LARGE1: variants seen among roughly 807,000 people sequenced by gnomAD.
LARGE1 encodes the protein LARGE xylosyl- and glucuronyltransferase 1, also known as xylosyl- and glucuronyltransferase LARGE1.
Under a neutral mutation model 87.6 loss-of-function variants are expected in LARGE1, and 43 were observed. That is an observed-to-expected ratio of 0.49 (90% CI 0.38 to 0.63). LARGE1 has a LOEUF of 0.63. Ranked by LOEUF, LARGE1 falls within the 30% of genes least tolerant of loss-of-function variation. The pLI, the probability that LARGE1 is intolerant of heterozygous loss-of-function variation, is 0.00. For missense variants in LARGE1, 802 were observed against 1,000.2 expected (o/e 0.80, Z 2.67); for synonymous variants, 434 against 394.6 (o/e 1.10, Z -1.18).
chr22:33,503,326 G>A (rs773987748), intron 6 of LARGE1, among the ~76,000 whole-genome samples: 15 of 148,090 alleles, frequency 1.0e-4, no homozygotes, highest in South Asian at 2.1e-4. Flanking sequence ...GTGCGATCTC[G>A]GCTCACTGCA....
chr22:33,493,882 C>G (rs138734604), intron 6 of LARGE1, among the ~76,000 whole-genome samples: 1 of 152,296 alleles, frequency 6.6e-6, no homozygotes, highest in African/African-American at 2.4e-5. Flanking sequence ...AAGAGACCCT[C>G]CAAACCCAGG....
At chr22:33,573,054 G>A (rs754901591) in intron 5 of LARGE1, among the ~76,000 whole-genome samples, 18 of 152,150 alleles carry the variant, frequency 1.2e-4, no homozygotes, top group Non-Finnish European at 1.9e-4. Flanking sequence ...CATACTCCAT[G>A]GGATTGTGAA....
intron 1 of LARGE1, among the ~76,000 whole-genome samples, chr22:33,834,440 T>G (rs922652313): frequency 2.4e-4 from 37 of 152,196 alleles, no homozygotes; most frequent in African/African-American, 7.5e-4. Context: ...CTCCTTCTCC[T>G]GGCTCATCCT....
intron 1 of LARGE1, among the ~76,000 whole-genome samples, chr22:33,912,837 G>T (rs1569030442): frequency 1.4e-5 from 2 of 143,720 alleles, no homozygotes; most frequent in African/African-American, 5.1e-5. Flanking sequence ...AGACAAGCAT[G>T]TTTTTTTTTT....
At chr22:33,655,813 A>G (rs532752621) in intron 2 of LARGE1, among the ~76,000 whole-genome samples, 5 of 152,338 alleles carry the variant, frequency 3.3e-5, no homozygotes, top group African/African-American at 9.6e-5. Flanking sequence ...TGCCTAGCAC[A>G]TCATAAACTA....
intron 6 of LARGE1, among the ~76,000 whole-genome samples, chr22:33,439,498 C>T (rs971189272): frequency 6.6e-6 from 1 of 152,158 alleles, no homozygotes; most frequent in Admixed American, 6.5e-5. Context: ...CATCCTTCCC[C>T]TACCTCCTCC....
At chr22:33,144,929 T>A in the LARGE1 span, among the ~76,000 whole-genome samples, 2 of 152,102 alleles carry the variant, frequency 1.3e-5, no homozygotes, top group Non-Finnish European at 2.9e-5. Context: ...CCTCTACAGT[T>A]GGCATGTGTT....
intron 11 of LARGE1, among the ~76,000 whole-genome samples, chr22:33,185,302 A>G (rs778705766): frequency 6.6e-6 from 1 of 152,182 alleles, no homozygotes; most frequent in Non-Finnish European, 1.5e-5. Context: ...AGCCAATCTG[A>G]AAAAGCTACA....
chr22:33,275,412 G>A (rs552233984), intron 14 of LARGE1, among the ~76,000 whole-genome samples: 1 of 152,292 alleles, frequency 6.6e-6, no homozygotes, highest in Admixed American at 6.5e-5. Flanking sequence ...CCAGCTCAGA[G>A]CAGATAAGAA....
intron 2 of LARGE1, among the ~76,000 whole-genome samples, chr22:33,705,754 G>C (rs966118381): frequency 6.6e-6 from 1 of 152,168 alleles, no homozygotes; most frequent in African/African-American, 2.4e-5. Context: ...CCAGATTCTA[G>C]ACTGGCTACT....
intron 11 of LARGE1, among the ~76,000 whole-genome samples, chr22:33,258,085 G>T (rs1349758019): frequency 6.6e-6 from 1 of 152,166 alleles, no homozygotes; most frequent in East Asian, 1.9e-4. Flanking sequence ...CTGGAGTGCA[G>T]TGATACGATC....
chr22:33,652,664 A>G (rs1260696452), intron 2 of LARGE1, among the ~76,000 whole-genome samples: 1 of 152,094 alleles, frequency 6.6e-6, no homozygotes, highest in African/African-American at 2.4e-5. Flanking sequence ...TCCTGCCCAG[A>G]CCCCTGAGCT....
intron 1 of LARGE1, among the ~76,000 whole-genome samples, chr22:33,913,063 C>A (rs2065683717): frequency 6.6e-6 from 1 of 151,712 alleles, no homozygotes; most frequent in African/African-American, 2.4e-5. Context: ...AACTCCTGAC[C>A]TCAGGTGATC....
intron 1 of LARGE1, among the ~76,000 whole-genome samples, chr22:33,775,479 C>T (rs991799767): frequency 6.0e-5 from 9 of 149,928 alleles, no homozygotes; most frequent in African/African-American, 2.2e-4. Flanking sequence ...CATGGGGAGC[C>T]TCTAAGTCAG....
At chr22:33,787,559 C>A (rs1390751362) in intron 1 of LARGE1, among the ~76,000 whole-genome samples, 1 of 152,210 alleles carries the variant, frequency 6.6e-6, no homozygotes, top group Non-Finnish European at 1.5e-5. Context: ...TTCTTCCAGA[C>A]CCCATTCACC....
At chr22:33,242,539 G>A (rs1926572036) in intron 11 of LARGE1, among the ~76,000 whole-genome samples, 1 of 152,140 alleles carries the variant, frequency 6.6e-6, no homozygotes, top group Non-Finnish European at 1.5e-5. Context: ...CAGCACTCCT[G>A]CTGGGAACTA....
intron 7 of LARGE1, 119 bp from the exon 8 acceptor site, chr22:33,384,423 G>A (rs1407110303): frequency 1.3e-6 from 1 of 775,504 alleles, no homozygotes; most frequent in African/African-American, 1.7e-5. Context: ...GCAGACAAGA[G>A]GCCTATGCAC....
At chr22:33,573,946 A>G (rs781114260) in intron 5 of LARGE1, among the ~76,000 whole-genome samples, 14 of 152,146 alleles carry the variant, frequency 9.2e-5, no homozygotes, top group African/African-American at 1.2e-4. Flanking sequence ...GCTTCCCCCA[A>G]AGTGAGTGGT....
the LARGE1 span, among the ~76,000 whole-genome samples, chr22:33,096,709 C>T: frequency 1.3e-5 from 2 of 151,630 alleles, no homozygotes; most frequent in Non-Finnish European, 2.9e-5. Flanking sequence ...GGACTACGGG[C>T]GCCCGCCACT....
Sources: allele counts gnomAD v4.1 joint callset (sites outside exome capture counted in the v4.1 genomes callset), GRCh38; gene constraint gnomAD v4.1.1; transcripts MANE v1.5; gene names NCBI Gene and HGNC (gene_info 2026-07-23, HGNC 2026-07-21).